The following ACO1 variants were observed in gnomAD, a reference collection of about 807,000 sequenced individuals.
ACO1 encodes cytoplasmic aconitate hydratase.
In ACO1, 78 loss-of-function variants were observed where a neutral mutation model predicts 105.1. That is an observed-to-expected ratio of 0.74 (90% CI 0.62 to 0.90). The LOEUF (loss-of-function observed/expected upper bound fraction) is 0.90, where lower values mean the gene tolerates loss of function less well. Ranked by LOEUF, ACO1 falls within the 40% of genes least tolerant of loss-of-function variation. ACO1 has a pLI of 0.00. For missense variants in ACO1, 965 were observed against 1,111.1 expected (o/e 0.87, Z 1.87); for synonymous variants, 364 against 397.4 (o/e 0.92, Z 1.00).
chr9:32,424,262 G>A (rs1822037828), intron 9 of ACO1, among the ~76,000 whole-genome samples: 1 of 152,182 alleles, frequency 6.6e-6, no homozygotes, highest in Non-Finnish European at 1.5e-5. Flanking sequence ...AAGGATGGGC[G>A]AGTGGAGGAC....
chr9:32,447,879 T>C (rs909009209), intron 19 of ACO1, among the ~76,000 whole-genome samples: 1 of 152,186 alleles, frequency 6.6e-6, no homozygotes, highest in South Asian at 2.1e-4. Flanking sequence ...CCTGTTTGCC[T>C]GGGTATCACC....
At chr9:32,432,156 C>T (rs760117832) in intron 15 of ACO1, among the ~76,000 whole-genome samples, 1 of 152,050 alleles carries the variant, frequency 6.6e-6, no homozygotes, top group Non-Finnish European at 1.5e-5. Context: ...TCAGCTGTGG[C>T]GAGGACCCCT....
intron 1 of ACO1, among the ~76,000 whole-genome samples, chr9:32,386,034 T>A (rs1489613878): frequency 6.6e-6 from 1 of 152,212 alleles, no homozygotes; most frequent in East Asian, 1.9e-4. Flanking sequence ...TGATGAACCT[T>A]GCCAGCCTCC....
In ACO1 at chr9:32,453,448, C is replaced by G. The variant is rs1013529727; in HGVS notation, c.*3337C>G. On this transcript the variant is annotated 3_prime_UTR_variant, in exon 21 of 21. Coordinates refer to ENST00000309951, the MANE Select transcript of ACO1 (RefSeq NM_002197.3). Reference sequence around the variant, plus strand: ...GGATCTAGTGACTCAAGCTCCCTTCCATTTGCCCCTCCAACCACCCCCCCA... The same window carrying G: ...GGATCTAGTGACTCAAGCTCCCTTCGATTTGCCCCTCCAACCACCCCCCCA... 2 of 152,050 alleles carry G rather than the reference C, an allele frequency of 1.3e-5. No homozygotes were observed. The highest frequency in any genetic ancestry group is 2.9e-5 in the Non-Finnish European group (2 of 68,074). The allele number at this position is 152,050 out of a possible 1,614,324, so 9.4% of individuals were successfully genotyped here.
intron 4 of ACO1, among the ~76,000 whole-genome samples, chr9:32,409,814 A>G (rs1821696425): frequency 6.6e-6 from 1 of 152,126 alleles, no homozygotes; most frequent in Non-Finnish European, 1.5e-5. Context: ...TGGGTGACAG[A>G]GCGAGACCTT....
At chr9:32,413,078 A>G (rs941454388) in intron 4 of ACO1, among the ~76,000 whole-genome samples, 1 of 151,960 alleles carries the variant, frequency 6.6e-6, no homozygotes, top group African/African-American at 2.4e-5. Context: ...AGTTTTTTAT[A>G]GACCTTTTTC....
chr9:32,440,297 T>C (rs926388016), intron 18 of ACO1, among the ~76,000 whole-genome samples, 168 bp from the exon 19 acceptor site: 2 of 151,732 alleles, frequency 1.3e-5, no homozygotes, highest in Non-Finnish European at 2.9e-5. Flanking sequence ...CAAAATTTAA[T>C]TTGGTAGAAG....
chr9:32,447,892 C>T (rs751076217), intron 19 of ACO1, among the ~76,000 whole-genome samples: 6 of 152,160 alleles, frequency 3.9e-5, no homozygotes, highest in South Asian at 2.1e-4. Context: ...GTATCACCAG[C>T]GGAAGCTGCA....
At chr9:32,416,641 G>A (rs952091079) in intron 4 of ACO1, among the ~76,000 whole-genome samples, 2 of 152,160 alleles carry the variant, frequency 1.3e-5, no homozygotes, top group Non-Finnish European at 2.9e-5. Flanking sequence ...CAGACTCAGA[G>A]TGCCAGTGGG....
At chr9:32,399,358 C>G (rs1018767688) in intron 1 of ACO1, among the ~76,000 whole-genome samples, 4 of 152,212 alleles carry the variant, frequency 2.6e-5, no homozygotes, top group Non-Finnish European at 5.9e-5. Context: ...CTCAATTTAA[C>G]TAGCTATTAA....
rs773033694 is a variant in ACO1, at chr9:32,407,337, G to T, written c.174G>T (p.Gln58His). The change falls in exon 3 of 21, where the codon CAG (glutamine) becomes CAT (histidine). Residue 58 changes from glutamine to histidine, a missense_variant. Gln to His is a conservative substitution (Grantham distance 24, BLOSUM62 0). Transcript: ENST00000309951. ...GTGATGAGTTTTTGGTGAAGAAACA[G>T]GATATTGAAAATATTCTACATTGGA... ...RNCDEFLVKK[Q>H]DIENILHWNV... The T allele has an allele frequency of 3.4e-5, 55 of 1,613,990 alleles. No homozygotes were observed. Among genetic ancestry groups the T allele is most frequent in the Non-Finnish European group, 4.3e-5 (51 of 1,180,010 alleles).
chr9:32,420,368 G>A (rs77974175), intron 7 of ACO1, among the ~76,000 whole-genome samples: 1 of 152,206 alleles, frequency 6.6e-6, no homozygotes, highest in Non-Finnish European at 1.5e-5. Context: ...GATCTCATTA[G>A]AGAAAGAGAA....
intron 20 of ACO1, among the ~76,000 whole-genome samples, chr9:32,449,752 C>G (rs1344134162): frequency 3.9e-5 from 6 of 152,162 alleles, no homozygotes; most frequent in African/African-American, 1.4e-4. Flanking sequence ...GCTCTCACCC[C>G]CATCATTTAC....
At chr9:32,435,710 T>C (rs1055407361) in intron 17 of ACO1, among the ~76,000 whole-genome samples, 2 of 152,198 alleles carry the variant, frequency 1.3e-5, no homozygotes, top group Non-Finnish European at 2.9e-5. Context: ...ACTGCCTCGA[T>C]TTTTCTCTCA....
chr9:32,418,214 G>A lies in ACO1; in HGVS notation c.474+17G>A. ...TTTTTAAAGGTATGGGCAGGGTCTG[G>A]TTCCATTGTTTGGTTTTCTTTGTAG... On this transcript the variant is annotated intron_variant, in intron 5 of 20. Coordinates refer to ENST00000309951, the MANE Select transcript of ACO1 (RefSeq NM_002197.3). 6.2e-7 allele frequency: 1 copy of A among 1,614,058 alleles called. No individual in the cohort carries two copies. Among genetic ancestry groups the A allele is most frequent in the Non-Finnish European group, 8.5e-7 (1 of 1,179,926 alleles).
At chr9:32,417,371 T>G (rs1399957824) in intron 4 of ACO1, among the ~76,000 whole-genome samples, 1 of 152,226 alleles carries the variant, frequency 6.6e-6, no homozygotes, top group African/African-American at 2.4e-5. Context: ...GCTATTAATT[T>G]TACTAGCCTT....
rs1451051255 is a variant in ACO1 at position 32,421,088 on chromosome 9, T to A, written c.970+61T>A. ...TAAAAGTTCCATGAAACACCAAGAATCTGAGCACTGCCTTCTGCCTCTACC... is the reference window on the plus strand; with the variant it reads ...TAAAAGTTCCATGAAACACCAAGAAACTGAGCACTGCCTTCTGCCTCTACC... On this transcript the variant is annotated intron_variant, in intron 8 of 20. Coordinates refer to ENST00000309951, the MANE Select transcript of ACO1 (RefSeq NM_002197.3). The A allele has an allele frequency of 5.2e-6, 8 of 1,552,648 alleles. No homozygotes were observed. The East Asian group carries it at 1.8e-4, about 35-fold the overall frequency.
chr9:32,408,392 C>G (rs1385181590), intron 3 of ACO1, 122 bp from the exon 4 acceptor site: 3 of 1,105,292 alleles, frequency 2.7e-6, no homozygotes, highest in Admixed American at 4.8e-5. Context: ...TAAGTCTCAC[C>G]CATTGTTAGC....
rs947481267 is a variant in ACO1 at position 32,451,914 on chromosome 9, A to C, written c.*1803A>C. 1 of 152,210 alleles carries C rather than the reference A, an allele frequency of 6.6e-6. No individual in the cohort carries two copies. The highest frequency in any genetic ancestry group is 6.5e-5 in the Admixed American group (1 of 15,280). The allele number at this position is 152,210 out of a possible 1,614,324, so 9.4% of individuals were successfully genotyped here. ...CCCGTCTCTACTAAAAATACAAAAAATTAGCCAGGTGTGGTATTGTGTGCC... is the reference window on the plus strand; with the variant it reads ...CCCGTCTCTACTAAAAATACAAAAACTTAGCCAGGTGTGGTATTGTGTGCC... On this transcript the variant is annotated 3_prime_UTR_variant, in exon 21 of 21. Transcript: ENST00000309951.
Sources: allele counts gnomAD v4.1 joint callset (sites outside exome capture counted in the v4.1 genomes callset), GRCh38; gene constraint gnomAD v4.1.1; transcripts MANE v1.5; gene names NCBI Gene and HGNC (gene_info 2026-07-23, HGNC 2026-07-21).